AGBL4: variants seen among roughly 807,000 people sequenced by gnomAD.
AGBL4 encodes cytosolic carboxypeptidase 6.
A neutral mutation model predicts 66.4 loss-of-function variants in AGBL4; 58 were observed. That is an observed-to-expected ratio of 0.87 (90% CI 0.71 to 1.09). The LOEUF is 1.09. AGBL4 is among the 50% of genes least tolerant of loss of function. The probability of loss-of-function intolerance (pLI) is 0.00; values close to 1 mark genes in which losing one functional copy is unlikely to be tolerated. For synonymous variants in AGBL4, 234 were observed against 222.9 expected, an observed-to-expected ratio of 1.05 and a Z score of -0.44; for missense variants, 579 against 631.0, an observed-to-expected ratio of 0.92 and a Z score of 0.88.
chr1:48,606,139 G>A (rs1343613279), intron 9 of AGBL4, among the ~76,000 whole-genome samples: 1 of 151,512 alleles, frequency 6.6e-6, no homozygotes, highest in Non-Finnish European at 1.5e-5. Flanking sequence ...TAGTTGTGGG[G>A]AAATGAGAGA....
intron 3 of AGBL4, among the ~76,000 whole-genome samples, chr1:49,511,086 C>T (rs541496724): frequency 1.3e-5 from 2 of 151,946 alleles, no homozygotes; most frequent in Admixed American, 6.6e-5. Context: ...ACCATTTTAC[C>T]CAGCCATCCC....
chr1:48,853,792 G>A (rs1647084641), intron 6 of AGBL4, among the ~76,000 whole-genome samples: 1 of 152,096 alleles, frequency 6.6e-6, no homozygotes, highest in African/African-American at 2.4e-5. Context: ...TCAGGTCACA[G>A]CACATTACAC....
chr1:48,530,933 C>T (rs531112570), downstream of AGBL4, among the ~76,000 whole-genome samples: 1 of 152,336 alleles, frequency 6.6e-6, no homozygotes, highest in South Asian at 2.1e-4. Flanking sequence ...CTGCTGGAGC[C>T]AGGTGGGCTA....
chr1:49,686,563 T>C (rs776822377), intron 3 of AGBL4, among the ~76,000 whole-genome samples: 1 of 152,198 alleles, frequency 6.6e-6, no homozygotes, highest in Non-Finnish European at 1.5e-5. Flanking sequence ...GATTTGCCAC[T>C]TCTAAAAATA....
At chr1:49,416,366 C>A (rs1462840323) in intron 3 of AGBL4, among the ~76,000 whole-genome samples, 1 of 152,054 alleles carries the variant, frequency 6.6e-6, no homozygotes, top group Non-Finnish European at 1.5e-5. Flanking sequence ...TGGAAAATTT[C>A]TAAATTTAAA....
At chr1:48,761,087 G>A (rs895753348) in intron 6 of AGBL4, 8 of 389,084 alleles carry the variant, frequency 2.1e-5, no homozygotes, top group Non-Finnish European at 3.7e-5. Context: ...CTCCAACAGC[G>A]ATGACACTGC....
chr1:49,915,795 G>T (rs1651394333), intron 1 of AGBL4, among the ~76,000 whole-genome samples: 1 of 152,078 alleles, frequency 6.6e-6, no homozygotes, highest in South Asian at 2.1e-4. Flanking sequence ...TCCTCAAGTG[G>T]GTCCCTGACC....
intron 1 of AGBL4, among the ~76,000 whole-genome samples, chr1:49,977,519 T>C (rs1557634470): frequency 6.6e-6 from 1 of 152,260 alleles, no homozygotes; most frequent in African/African-American, 2.4e-5. Context: ...CCAGACGGTA[T>C]GTGAGGACAG....
chr1:49,752,217 T>C (rs1261602739), intron 2 of AGBL4, among the ~76,000 whole-genome samples: 1 of 152,208 alleles, frequency 6.6e-6, no homozygotes, highest in Non-Finnish European at 1.5e-5. Context: ...CATTTAGTGC[T>C]ATAAATTTCC....
At chr1:48,779,880 A>C (rs1645249991) in intron 6 of AGBL4, among the ~76,000 whole-genome samples, 2 of 151,634 alleles carry the variant, frequency 1.3e-5, no homozygotes, top group Non-Finnish European at 2.9e-5. Context: ...CGCCTGGCTA[A>C]TTTTTGTATT....
At chr1:49,573,119 T>C (rs1644364440) in intron 3 of AGBL4, among the ~76,000 whole-genome samples, 1 of 149,664 alleles carries the variant, frequency 6.7e-6, no homozygotes, top group African/African-American at 2.5e-5. Context: ...TTCTCATATA[T>C]ATATATGTGT....
At chr1:49,868,886 A>G (rs983127480) in intron 1 of AGBL4, among the ~76,000 whole-genome samples, 1 of 152,234 alleles carries the variant, frequency 6.6e-6, no homozygotes, top group Non-Finnish European at 1.5e-5. Context: ...CCCAGAATAT[A>G]TAAGTAAATT....
At chr1:48,948,478 C>T (rs1656703990) in intron 5 of AGBL4, among the ~76,000 whole-genome samples, 1 of 152,170 alleles carries the variant, frequency 6.6e-6, no homozygotes, top group African/African-American at 2.4e-5. Context: ...TTCTGAAAAC[C>T]CCAGTGTTTT....
chr1:49,630,311 A>G (rs1645546243), intron 3 of AGBL4, among the ~76,000 whole-genome samples: 1 of 152,114 alleles, frequency 6.6e-6, no homozygotes, highest in African/African-American at 2.4e-5. Flanking sequence ...AATACATTTT[A>G]TATTTCTGAT....
intron 6 of AGBL4, among the ~76,000 whole-genome samples, chr1:48,863,153 T>C (rs1409479930): frequency 6.6e-6 from 1 of 152,152 alleles, no homozygotes; most frequent in African/African-American, 2.4e-5. Context: ...GGTTAAAGCA[T>C]GTAAGGCCTT....
chr1:48,603,775 A>G (rs953555655), intron 9 of AGBL4, among the ~76,000 whole-genome samples: 1 of 152,032 alleles, frequency 6.6e-6, no homozygotes, highest in Non-Finnish European at 1.5e-5. Flanking sequence ...TCCAAGTGAG[A>G]ACTAATTTAA....
intron 6 of AGBL4, among the ~76,000 whole-genome samples, chr1:48,830,911 C>A (rs1029631504): frequency 1.3e-5 from 2 of 152,186 alleles, no homozygotes; most frequent in Non-Finnish European, 2.9e-5. Context: ...TTGTTCTAGA[C>A]ATTCCCATTG....
At chr1:49,167,142 G>A (rs995255078) in intron 4 of AGBL4, among the ~76,000 whole-genome samples, 2 of 152,068 alleles carry the variant, frequency 1.3e-5, no homozygotes, top group African/African-American at 4.8e-5. Flanking sequence ...ATTTCACATT[G>A]TCACCCGTAT....
intron 2 of AGBL4, among the ~76,000 whole-genome samples, chr1:49,760,397 C>T (rs7551832): frequency 0.021 from 3,259 of 151,986 alleles, 125 homozygotes; most frequent in African/African-American, 0.074. Context: ...TGGTATTATG[C>T]GGCCAACACA....
Sources: allele counts gnomAD v4.1 joint callset (sites outside exome capture counted in the v4.1 genomes callset), GRCh38; gene constraint gnomAD v4.1.1; transcripts MANE v1.5; gene names NCBI Gene and HGNC (gene_info 2026-07-23, HGNC 2026-07-21).